The following SLC6A2 variants were observed in gnomAD, a reference collection of about 807,000 sequenced individuals.
SLC6A2 encodes the protein sodium-dependent noradrenaline transporter.
A neutral mutation model predicts 71.7 loss-of-function variants in SLC6A2; 26 were observed. The observed-to-expected ratio is 0.36, with a 90% CI of 0.27 to 0.50. The LOEUF (loss-of-function observed/expected upper bound fraction) is 0.50. Among genes scored for constraint, SLC6A2 ranks in the 20% least tolerant of loss-of-function variants. The pLI is 0.96. For missense variants in SLC6A2, 581 were observed against 803.9 expected, an observed-to-expected ratio of 0.72 and a Z score of 3.35; for synonymous variants, 363 against 337.9, an observed-to-expected ratio of 1.07 and a Z score of -0.82.
chr16:55,670,954 C>T (rs371987844), intron 3 of SLC6A2, among the ~76,000 whole-genome samples: 1 of 152,074 alleles, frequency 6.6e-6, no homozygotes, highest in Admixed American at 6.5e-5. Flanking sequence ...ATACATCTAC[C>T]CTAGAAAAAA....
chr16:55,682,758 G>A (rs558876470), intron 4 of SLC6A2, among the ~76,000 whole-genome samples: 31 of 152,318 alleles, frequency 2.0e-4, no homozygotes, highest in African/African-American at 7.0e-4. Flanking sequence ...CACTGGATCT[G>A]GGCTTTGAAG....
chr16:55,702,198 C>T (rs1215313894), intron 14 of SLC6A2, 125 bp from the exon 15 acceptor site: 23 of 980,948 alleles, frequency 2.3e-5, no homozygotes, highest in Non-Finnish European at 3.2e-5. Context: ...TGCACGTTCC[C>T]TGAGGTCCGT....
At chr16:55,658,914 C>T (rs1329031748) in intron 2 of SLC6A2, among the ~76,000 whole-genome samples, 1 of 152,186 alleles carries the variant, frequency 6.6e-6, no homozygotes, top group African/African-American at 2.4e-5. Flanking sequence ...TCAAGCGTTA[C>T]TGGGCAGGTT....
rs754722020 is a variant in SLC6A2 at position 55,700,119 on chromosome 16, C to A, written c.1591-20C>A. 2 of 1,610,814 alleles carry A rather than the reference C, an allele frequency of 1.2e-6. No individual in the cohort carries two copies. On this transcript the variant is annotated intron_variant, in intron 12 of 14. Coordinates refer to ENST00000568943, the MANE Select transcript of SLC6A2 (RefSeq NM_001172501.3). ...CTTCTGTCCTGTCTTCCTTTCTCTC[C>A]CTTCTCTGCCCATCTCTAGTTCGTG...
chr16:55,688,447 C>T (rs1430519917), intron 5 of SLC6A2, among the ~76,000 whole-genome samples: 1 of 152,342 alleles, frequency 6.6e-6, no homozygotes, highest in East Asian at 1.9e-4. Flanking sequence ...CCCCATAAAT[C>T]TCCCTTTTTA....
Position 55,656,770 on chromosome 16 carries a change from C to A in SLC6A2, c.76C>A (p.Arg26=). The change falls in exon 2 of 15, where the codon CGG becomes AGG. Residue 26 remains arginine (R), a synonymous_variant. Coordinates refer to ENST00000568943, the MANE Select transcript of SLC6A2 (RefSeq NM_001172501.3). This position sits in a 1 kb window ranked among gnomAD's most constrained non-coding sequence, Gnocchi z 4.5. ...GGACACGGGTCCAGAGCAGCCCCTT[C>A]GGGCGCGCAAAACTGCGGAGCTGCT... The part of the protein sequence containing the change: ...GADTGPEQPL[R]ARKTAELLVV... The A allele has an allele frequency of 6.2e-7, 1 of 1,613,308 alleles. No homozygotes were observed. Among genetic ancestry groups the A allele is most frequent in the Middle Eastern group, 1.7e-4 (1 of 5,870 alleles).
In SLC6A2 at chr16:55,656,743, G is replaced by A. The variant is rs1005999367; in HGVS notation, c.49G>A (p.Ala17Thr). 9.9e-6 allele frequency: 16 copies of A among 1,612,918 alleles called. No homozygotes were observed. The highest frequency in any genetic ancestry group is 2.2e-5 in the East Asian group (1 of 44,860). ...GCAGGTGCAGCCCGAGAACAACGGG[G>A]CGGACACGGGTCCAGAGCAGCCCCT... Reference protein sequence around the residue: ...NPQVQPENNGADTGPEQPLRA... With the variant: ...NPQVQPENNGTDTGPEQPLRA... The change falls in exon 2 of 15, where the codon GCG becomes ACG. Residue 17 changes from alanine (A) to threonine (T), a missense_variant. Physicochemically the swap from Ala to Thr is moderately conservative, Grantham distance 58. Transcript: ENST00000568943. The surrounding 1 kb of genome is among the most constrained non-coding windows in gnomAD (Gnocchi z 4.5).
intron 9 of SLC6A2, among the ~76,000 whole-genome samples, chr16:55,697,078 A>G (rs1965822246): frequency 6.6e-6 from 1 of 152,238 alleles, no homozygotes; most frequent in African/African-American, 2.4e-5. Context: ...GATTGGATTT[A>G]CTGACATCTT....
intron 5 of SLC6A2, among the ~76,000 whole-genome samples, 196 bp downstream of exon 5, chr16:55,685,477 G>A (rs1477608366): frequency 9.9e-5 from 15 of 152,042 alleles, no homozygotes; most frequent in African/African-American, 3.6e-4. Context: ...CCAAATCTGT[G>A]TCTCCACCAC....
chr16:55,670,625 C>T (rs1264256933), intron 3 of SLC6A2, among the ~76,000 whole-genome samples: 8 of 152,158 alleles, frequency 5.3e-5, no homozygotes, highest in African/African-American at 1.7e-4. Context: ...TTCTCAAGTA[C>T]CTGCAAAGAT....
chr16:55,699,937 T>A (rs575846062), intron 12 of SLC6A2, among the ~76,000 whole-genome samples: 1 of 152,320 alleles, frequency 6.6e-6, no homozygotes, highest in South Asian at 2.1e-4. Flanking sequence ...ATCTGCCTCC[T>A]TTTGATTATC....
chr16:55,699,658 T>G lies in SLC6A2; in HGVS notation c.1590+4T>G, dbSNP rs189364987. The G allele has an allele frequency of 4.5e-5, 72 of 1,603,406 alleles. No homozygotes were observed. The African/African-American group carries it at 9.1e-4, about 20-fold the overall frequency. ...CGTCAGTCCTGCCTTCCTCCTGGTGTGTAGTGTCTGCAGGGAAGTCCTGCA... is the reference window on the plus strand; with the variant it reads ...CGTCAGTCCTGCCTTCCTCCTGGTGGGTAGTGTCTGCAGGGAAGTCCTGCA... On this transcript the variant is annotated splice_donor_region_variant and intron_variant, in intron 12 of 14. Transcript: ENST00000568943.
At chr16:55,669,300 G>A (rs1402245779) in intron 2 of SLC6A2, among the ~76,000 whole-genome samples, 1 of 152,196 alleles carries the variant, frequency 6.6e-6, no homozygotes, top group Non-Finnish European at 1.5e-5. Context: ...CAAAGGCTAG[G>A]AGAAGCCTGC....
At chr16:55,660,148 C>T (rs375227657) in intron 2 of SLC6A2, among the ~76,000 whole-genome samples, 6 of 152,128 alleles carry the variant, frequency 3.9e-5, no homozygotes, top group East Asian at 1.9e-4. Context: ...TGCAGACAAG[C>T]GGTGAGAAGG....
rs1347903040 is a variant in SLC6A2, at chr16:55,698,017, A to G, written c.1381A>G (p.Ile461Val). ...CACTTTCCTTCTCGCCCTGTTCTGC[A>G]TAACCAAGGTGAGTAGGGGCTGGGC... ...FSTFLLALFC[I>V]TKGGIYVLTL... The change falls in exon 10 of 15, where the codon ATA becomes GTA. Residue 461 changes from isoleucine to valine, a missense_variant. Physicochemically the swap from Ile to Val is conservative, Grantham distance 29. Transcript: ENST00000568943. 3.1e-6 allele frequency: 5 copies of G among 1,614,182 alleles called. No individual in the cohort carries two copies. Among genetic ancestry groups the G allele is most frequent in the East Asian group, 2.2e-5 (1 of 44,876 alleles).
intron 2 of SLC6A2, among the ~76,000 whole-genome samples, chr16:55,659,411 A>C (rs1398247886): frequency 1.3e-5 from 2 of 152,200 alleles, no homozygotes; most frequent in Admixed American, 6.5e-5. Flanking sequence ...CTTAGGATGC[A>C]AAATGGAGCA....
In SLC6A2 at chr16:55,697,985, C is replaced by T; in HGVS notation, c.1349C>T (p.Thr450Ile). Reference protein sequence around the residue: ...RHRKLFTFGVTFSTFLLALFC... With the variant: ...RHRKLFTFGVIFSTFLLALFC... Reference sequence around the variant, plus strand: ...CGGAAACTCTTCACATTTGGCGTCACCTTCAGCACTTTCCTTCTCGCCCTG... The same window carrying T: ...CGGAAACTCTTCACATTTGGCGTCATCTTCAGCACTTTCCTTCTCGCCCTG... Residue 450 changes from threonine (T) to isoleucine (I), a missense_variant, in exon 10 of 15, where the codon ACC (threonine) becomes ATC (isoleucine). This residue lies in a region of SLC6A2 where 334 missense variants were observed against 449.0 expected (regional missense o/e 0.74). Transcript: ENST00000568943. 1 of 1,614,166 alleles carries T rather than the reference C, an allele frequency of 6.2e-7. No individual in the cohort carries two copies. The highest frequency in any genetic ancestry group is 8.5e-7 in the Non-Finnish European group (1 of 1,180,026).
rs561384916 is a variant in SLC6A2 at position 55,703,032 on chromosome 16, T to C, written c.*686T>C. 2 of 986,842 alleles carry C rather than the reference T, an allele frequency of 2.0e-6. No homozygotes were observed. The highest frequency in any genetic ancestry group is 9.4e-5 in the South Asian group (2 of 21,326). The allele number at this position is 986,842 out of a possible 1,614,324, so 61.1% of individuals were successfully genotyped here. On this transcript the variant is annotated 3_prime_UTR_variant, in exon 15 of 15. Coordinates refer to ENST00000568943, the MANE Select transcript of SLC6A2 (RefSeq NM_001172501.3). The stretch of plus-strand genomic sequence containing the variant: ...ATTCCTCCAGCTTTTGGTGGTCAGA[T>C]GGCCCAGAGATATGGGGGACAGGAG...
chr16:55,656,418 C>T lies in SLC6A2; in HGVS notation c.-51-226C>T, dbSNP rs1036077982. 5 of 548,072 alleles carry T rather than the reference C, an allele frequency of 9.1e-6. No homozygotes were observed. The highest frequency in any genetic ancestry group is 2.0e-5 in the South Asian group (1 of 48,938). 34.0% of individuals were successfully genotyped at this position (548,072 alleles called of 1,614,324 possible). On this transcript the variant is annotated intron_variant, in intron 1 of 14. Transcript: ENST00000568943. This position sits in a 1 kb window ranked among gnomAD's most constrained non-coding sequence, Gnocchi z 4.5. ...TGAACGAGGAAAAGTGCTGCAGGGT[C>T]TTCAGCCGCCCCCAGAGGGCTGTCA...
Sources: gnomAD v4.1 joint callset for allele counts (sites outside exome capture counted in the v4.1 genomes callset) on GRCh38, gnomAD v4.1.1 for gene constraint, gnomAD v4.1.1 regional missense constraint, Gnocchi (gnomAD v3.1) non-coding constraint, MANE v1.5 for transcripts, NCBI Gene and HGNC (gene_info 2026-07-23, HGNC 2026-07-21) for gene names.